The following PDZRN4 variants were observed in gnomAD, a reference collection of about 807,000 sequenced individuals.
The protein encoded by PDZRN4 is PDZ domain containing ring finger 4, also known as PDZ domain-containing RING finger protein 4.
PDZRN4 carries 70 observed loss-of-function variants against 99.0 expected under a neutral mutation model. The observed-to-expected ratio is 0.71, with a 90% CI of 0.58 to 0.86. The LOEUF is 0.86. Among genes scored for constraint, PDZRN4 ranks in the 40% least tolerant of loss-of-function variants. The pLI is 0.00. For synonymous variants in PDZRN4, 551 were observed against 501.6 expected (o/e 1.10, Z -1.32); for missense variants, 1,474 against 1,331.2 (o/e 1.11, Z -1.67).
intron 3 of PDZRN4, among the ~76,000 whole-genome samples, chr12:41,291,335 G>A (rs1273779009): frequency 1.3e-5 from 2 of 152,058 alleles, no homozygotes; most frequent in Non-Finnish European, 2.9e-5. Flanking sequence ...CCTTAAATTT[G>A]CTTAGGTGAA....
chr12:41,342,270 G>C (rs1951824003), intron 3 of PDZRN4, among the ~76,000 whole-genome samples: 1 of 151,790 alleles, frequency 6.6e-6, no homozygotes. Flanking sequence ...TAAGGGAAAT[G>C]CTTTATAACA....
chr12:41,236,889 A>C, intron 3 of PDZRN4, among the ~76,000 whole-genome samples: 1 of 152,136 alleles, frequency 6.6e-6, no homozygotes, highest in Non-Finnish European at 1.5e-5. Context: ...AAGCTTCTGC[A>C]TCTATTTTAT....
intron 3 of PDZRN4, among the ~76,000 whole-genome samples, chr12:41,325,721 T>G (rs1473889923): frequency 6.6e-6 from 1 of 152,118 alleles, no homozygotes; most frequent in East Asian, 1.9e-4. Context: ...TTTTCAAACC[T>G]TAGATATGGT....
At chr12:41,343,592 G>A (rs1273387364) in intron 3 of PDZRN4, among the ~76,000 whole-genome samples, 1 of 138,158 alleles carries the variant, frequency 7.2e-6, no homozygotes, top group Non-Finnish European at 1.6e-5. Context: ...GGGAAGTGGG[G>A]GAGGGGAGGA....
chr12:41,541,377 C>A (rs1938851317), intron 5 of PDZRN4, among the ~76,000 whole-genome samples: 1 of 151,996 alleles, frequency 6.6e-6, no homozygotes, highest in South Asian at 2.1e-4. Context: ...TTGATTCCCA[C>A]TAGATAAGGC....
rs1950709816 is a variant in PDZRN4, at chr12:41,188,593, G to T, written c.138G>T (p.Ala46=). ...GCGCCAGCTGCCTGTTGCCCTGGGC[G>T]GTGCGGAGGCGCCGGTGCCCGCTGC... is the stretch of plus-strand genomic sequence containing the variant. ...VFCASCLLPW[A]VRRRRCPLQC... Residue 46 remains alanine (A), a synonymous_variant, in exon 1 of 10, where the codon GCG becomes GCT. Coordinates refer to ENST00000402685, the MANE Select transcript of PDZRN4 (RefSeq NM_001164595.2). 1 of 1,541,744 alleles carries T rather than the reference G, an allele frequency of 6.5e-7. No individual in the cohort carries two copies. The highest frequency in any genetic ancestry group is 8.7e-7 in the Non-Finnish European group (1 of 1,150,508).
intron 5 of PDZRN4, among the ~76,000 whole-genome samples, chr12:41,545,903 A>T (rs1938941718): frequency 6.6e-6 from 1 of 152,092 alleles, no homozygotes; most frequent in Non-Finnish European, 1.5e-5. Flanking sequence ...ACGAGATACC[A>T]GACTGGGAGA....
At chr12:41,454,533 A>G (rs117533847) in intron 3 of PDZRN4, among the ~76,000 whole-genome samples, 2,588 of 152,372 alleles carry the variant, frequency 0.017, 30 homozygotes, top group Non-Finnish European at 0.028. Flanking sequence ...GGGAGATTGA[A>G]TACCCAGGGA....
chr12:41,554,060 C>T (rs191637638), intron 6 of PDZRN4, among the ~76,000 whole-genome samples: 2 of 152,228 alleles, frequency 1.3e-5, no homozygotes, highest in East Asian at 3.9e-4. Flanking sequence ...ATTTACTGAC[C>T]GGCTTCTGCG....
At chr12:41,534,787 A>G (rs1592100877) in intron 5 of PDZRN4, among the ~76,000 whole-genome samples, 1 of 152,262 alleles carries the variant, frequency 6.6e-6, no homozygotes, top group Non-Finnish European at 1.5e-5. Flanking sequence ...CCATGTATTT[A>G]CTGATCCATA....
chr12:41,206,538 T>C (rs1277036007), intron 3 of PDZRN4, among the ~76,000 whole-genome samples: 1 of 150,568 alleles, frequency 6.6e-6, no homozygotes, highest in South Asian at 2.1e-4. Context: ...CTTAATTAAT[T>C]AATAAATTAA....
At chr12:41,235,094 A>G (rs1368732741) in intron 3 of PDZRN4, among the ~76,000 whole-genome samples, 1 of 152,152 alleles carries the variant, frequency 6.6e-6, no homozygotes, top group Non-Finnish European at 1.5e-5. Context: ...ATTCCTAAAT[A>G]TGCCTCGTCT....
chr12:41,455,312 T>G (rs2120515404), intron 3 of PDZRN4, among the ~76,000 whole-genome samples: 1 of 152,300 alleles, frequency 6.6e-6, no homozygotes, highest in Admixed American at 6.5e-5. Context: ...CTCCCTTAGA[T>G]AGCAGCATTT....
intron 5 of PDZRN4, among the ~76,000 whole-genome samples, chr12:41,540,546 G>A (rs1364478190): frequency 1.3e-5 from 2 of 152,304 alleles, no homozygotes; most frequent in Admixed American, 6.5e-5. Flanking sequence ...GAAGAAAACA[G>A]TAGGTTTGCA....
chr12:41,511,762 G>T (rs142306704), intron 5 of PDZRN4, among the ~76,000 whole-genome samples: 3 of 152,284 alleles, frequency 2.0e-5, no homozygotes, highest in African/African-American at 4.8e-5. Context: ...GCCATCCCTT[G>T]TGGCTGCATC....
At chr12:41,318,652 C>T (rs559304797) in intron 3 of PDZRN4, among the ~76,000 whole-genome samples, 47 of 152,150 alleles carry the variant, frequency 3.1e-4, no homozygotes, top group Non-Finnish European at 6.0e-4. Flanking sequence ...ATAATGAAAA[C>T]AGTGGATTTA....
At chr12:41,534,038 A>T (rs1938708403) in intron 5 of PDZRN4, among the ~76,000 whole-genome samples, 7 of 152,140 alleles carry the variant, frequency 4.6e-5, no homozygotes. Flanking sequence ...TAATTCTTTT[A>T]CTTTCCTTAA....
intron 4 of PDZRN4, 21 bp from the exon 5 acceptor site, chr12:41,509,790 A>T: frequency 9.0e-7 from 1 of 1,114,006 alleles, no homozygotes; most frequent in Non-Finnish European, 1.3e-6. Flanking sequence ...TATTCCTATC[A>T]TATTGCTACA....
chr12:41,194,066 A>AT lies in PDZRN4; in HGVS notation c.736-9dup, dbSNP rs55758471. 7 of 1,214,054 alleles carry AT rather than the reference A, an allele frequency of 5.8e-6. No homozygotes were observed. The highest frequency in any genetic ancestry group is 8.4e-6 in the Non-Finnish European group (7 of 833,788). 75.2% of individuals were successfully genotyped at this position (1,214,054 alleles called of 1,614,324 possible). On this transcript the variant is annotated splice_polypyrimidine_tract_variant and intron_variant, in intron 2 of 9. Coordinates refer to ENST00000402685, the MANE Select transcript of PDZRN4 (RefSeq NM_001164595.2). ...TGCTTACATCTTTCTTCTGCTAATGATTTTTTAAAAATAGAATAATCAGGA... is the reference window on the plus strand; with the variant it reads ...TGCTTACATCTTTCTTCTGCTAATGATTTTTTTAAAAATAGAATAATCAGGA...
Sources: gnomAD v4.1 joint callset for allele counts (sites outside exome capture counted in the v4.1 genomes callset) on GRCh38, gnomAD v4.1.1 for gene constraint, MANE v1.5 for transcripts, NCBI Gene and HGNC (gene_info 2026-07-23, HGNC 2026-07-21) for gene names.